Variants in SMYD3 observed in about 807,000 individuals in gnomAD.
SMYD3 encodes the protein SET and MYND domain containing 3.
A neutral mutation model predicts 57.7 loss-of-function variants in SMYD3; 36 were observed. The observed-to-expected ratio is 0.62, with a 90% CI of 0.48 to 0.82. The LOEUF (loss-of-function observed/expected upper bound fraction) is 0.82, where lower values mean the gene tolerates loss of function less well. SMYD3 is among the 40% of genes least tolerant of loss of function. The pLI is 0.00. For missense variants in SMYD3, 515 were observed against 538.8 expected (o/e 0.96, Z 0.44); for synonymous variants, 211 against 195.0 (o/e 1.08, Z -0.68).
chr1:246,017,424 C>T (rs2148214596), intron 5 of SMYD3, among the ~76,000 whole-genome samples: 1 of 152,248 alleles, frequency 6.6e-6, no homozygotes, highest in South Asian at 2.1e-4. Flanking sequence ...GGTTCCAGTT[C>T]AGAATCAAGG....
chr1:246,045,430 T>G (rs550029790), intron 5 of SMYD3, among the ~76,000 whole-genome samples: 13 of 152,258 alleles, frequency 8.5e-5, no homozygotes, highest in African/African-American at 2.9e-4. Flanking sequence ...GCTAGCCATA[T>G]GTAGAAAGCT....
Position 246,375,325 on chromosome 1 carries a change from CTTTTTTTTTTTTTTT to C in SMYD3, c.165-20246_165-20232del, listed in dbSNP as rs60882470. On this transcript the variant is annotated intron_variant, in intron 1 of 11. Coordinates refer to ENST00000490107, the MANE Select transcript of SMYD3 (RefSeq NM_001167740.2). ...AATGAACTACATTTCTAATGAGAGA[CTTTTTTTTTTTTTTT>C]TTTTTTTTTTTTTTTTACCAATTTT... is the stretch of plus-strand genomic sequence containing the variant. Among the ~76,000 whole-genome samples the C allele has an allele frequency of 1.7e-3, 103 of 62,264 alleles. 1 individual carries two copies. Among genetic ancestry groups the C allele is most frequent in the Admixed American group, 5.5e-3 (25 of 4,546 alleles). The allele number at this position is 62,264 out of a possible 152,430, so 40.8% of individuals were successfully genotyped here. A position where few individuals can be genotyped will look rare whatever the true frequency, so the allele number is the denominator to read the frequency against.
At chr1:246,469,505 T>A (rs2067929533) in intron 1 of SMYD3, among the ~76,000 whole-genome samples, 1 of 152,104 alleles carries the variant, frequency 6.6e-6, no homozygotes, top group African/African-American at 2.4e-5. Context: ...TGGAGGTAGA[T>A]CAAATACAGA....
At chr1:246,469,018 GCTA>G (rs2067920795) in intron 1 of SMYD3, among the ~76,000 whole-genome samples, 1 of 152,114 alleles carries the variant, frequency 6.6e-6, no homozygotes, top group African/African-American at 2.4e-5. Flanking sequence ...CTAAACCCAG[GCTA>G]CTGCCTACCC....
At chr1:245,849,331 G>T (rs1444314918) in intron 10 of SMYD3, among the ~76,000 whole-genome samples, 1 of 152,178 alleles carries the variant, frequency 6.6e-6, no homozygotes, top group African/African-American at 2.4e-5. Context: ...AGGATTTGGT[G>T]AAAGTCAAAT....
At chr1:246,094,282 C>T (rs1006847181) in intron 5 of SMYD3, among the ~76,000 whole-genome samples, 5 of 152,250 alleles carry the variant, frequency 3.3e-5, no homozygotes, top group East Asian at 1.9e-4. Flanking sequence ...GGTCCTGTGC[C>T]GGGGACTTTC....
In SMYD3 at chr1:246,340,211, TA is replaced by T. The variant is rs201089767; in HGVS notation, c.229-4738del. 1.1e-3 allele frequency among the ~76,000 whole-genome samples: 165 copies of T among 150,078 alleles called. 4 individuals carry two copies. The East Asian group carries it at 0.027, about 25-fold the overall frequency. ...AGTGTTTTAAACAGAACATAAAATG[TA>T]AAAACCATAAAGGAAAATAAATATA... On this transcript the variant is annotated intron_variant, in intron 2 of 11. Coordinates refer to ENST00000490107, the MANE Select transcript of SMYD3 (RefSeq NM_001167740.2).
chr1:245,751,932 G>C (rs960762434), intron 11 of SMYD3, among the ~76,000 whole-genome samples: 1 of 152,246 alleles, frequency 6.6e-6, no homozygotes, highest in Non-Finnish European at 1.5e-5. Context: ...AGCTCTATGA[G>C]ATTCCCCTGG....
At chr1:246,466,069 G>C (rs1482345638) in intron 1 of SMYD3, among the ~76,000 whole-genome samples, 1 of 152,202 alleles carries the variant, frequency 6.6e-6, no homozygotes, top group Non-Finnish European at 1.5e-5. Context: ...ACTGCTCCTG[G>C]CCACTTATAC....
chr1:245,848,349 G>T (rs1024310943), intron 10 of SMYD3, among the ~76,000 whole-genome samples: 2 of 151,900 alleles, frequency 1.3e-5, no homozygotes, highest in African/African-American at 4.8e-5. Context: ...CCCAATCCTG[G>T]GCTCAAGTGA....
intron 1 of SMYD3, among the ~76,000 whole-genome samples, chr1:246,419,664 C>T (rs2067113377): frequency 6.6e-6 from 1 of 152,180 alleles, no homozygotes. Context: ...CCCAGCACTC[C>T]CGTATCACAG....
At chr1:245,954,150 A>G (rs903182220) in intron 5 of SMYD3, among the ~76,000 whole-genome samples, 1 of 152,200 alleles carries the variant, frequency 6.6e-6, no homozygotes, top group African/African-American at 2.4e-5. Context: ...TGTAATTAGG[A>G]AAAGTGTATT....
chr1:246,159,060 G>C (rs930755383), intron 5 of SMYD3, among the ~76,000 whole-genome samples: 8 of 152,152 alleles, frequency 5.3e-5, no homozygotes, highest in Admixed American at 3.9e-4. Flanking sequence ...TAGAGGGAAT[G>C]ACCAAGGAAG....
At chr1:246,025,190 G>A (rs2059553994) in intron 5 of SMYD3, among the ~76,000 whole-genome samples, 2 of 142,134 alleles carry the variant, frequency 1.4e-5, no homozygotes, top group Non-Finnish European at 1.5e-5. Context: ...GAAGTAGACA[G>A]CATCTAGGAA....
intron 5 of SMYD3, among the ~76,000 whole-genome samples, chr1:246,262,295 G>A (rs546832419): frequency 6.6e-6 from 1 of 152,244 alleles, no homozygotes; most frequent in Admixed American, 6.5e-5. Context: ...CTAACGATAT[G>A]GTGGATAAGA....
At chr1:246,357,019 C>A (rs1186301222) in intron 1 of SMYD3, among the ~76,000 whole-genome samples, 1 of 152,146 alleles carries the variant, frequency 6.6e-6, no homozygotes, top group East Asian at 1.9e-4. Context: ...CTCTTAAGAG[C>A]TGTGAGGCAA....
chr1:246,163,485 G>T (rs1036047060), intron 5 of SMYD3, among the ~76,000 whole-genome samples: 2 of 151,954 alleles, frequency 1.3e-5, no homozygotes, highest in Admixed American at 6.5e-5. Flanking sequence ...TTCTGAACTT[G>T]CAAATAAAGG....
intron 5 of SMYD3, among the ~76,000 whole-genome samples, chr1:246,018,291 T>C (rs1334283922): frequency 3.3e-5 from 5 of 152,160 alleles, no homozygotes; most frequent in Admixed American, 2.0e-4. Context: ...CAACCAGCCG[T>C]GTCTCTGTTG....
At position 245,898,217 on chromosome 1, in the gene SMYD3, A is replaced by G. The variant is rs375299144; in HGVS notation, c.813+17313T>C. On this transcript the variant is annotated intron_variant, in intron 8 of 11. Transcript: ENST00000490107. ...GGATCATATGGTATAAATTCTGCATACTAAACTACTTTCATCTTATTTGTC... is the reference window on the plus strand; with the variant it reads ...GGATCATATGGTATAAATTCTGCATGCTAAACTACTTTCATCTTATTTGTC... Among the ~76,000 whole-genome samples the G allele has an allele frequency of 1.9e-4, 29 of 152,354 alleles. No individual in the cohort carries two copies. The East Asian group carries it at 5.2e-3, about 27-fold the overall frequency.
Sources: allele counts gnomAD v4.1 joint callset (sites outside exome capture counted in the v4.1 genomes callset), GRCh38; gene constraint gnomAD v4.1.1; transcripts MANE v1.5; gene names NCBI Gene and HGNC (gene_info 2026-07-23, HGNC 2026-07-21).